SLC9A9: variants seen among roughly 807,000 people sequenced by gnomAD.
SLC9A9 encodes sodium/hydrogen exchanger 9.
SLC9A9 carries 62 observed loss-of-function variants against 77.8 expected under a neutral mutation model. That is an observed-to-expected ratio of 0.80 (90% confidence interval 0.65 to 0.98). The LOEUF is 0.98. Among genes scored for constraint, SLC9A9 ranks in the 50% least tolerant of loss-of-function variants. SLC9A9 has a pLI of 0.00. For synonymous variants in SLC9A9, 320 were observed against 283.5 expected (o/e 1.13, Z -1.29); for missense variants, 775 against 774.9 (o/e 1.00, Z 0.00).
intron 4 of SLC9A9, among the ~76,000 whole-genome samples, chr3:143,709,351 C>T (rs1207112400): frequency 2.6e-5 from 4 of 152,006 alleles, no homozygotes; most frequent in Admixed American, 6.6e-5. Context: ...AATAAGTGCT[C>T]GAAATTAATA....
intron 6 of SLC9A9, among the ~76,000 whole-genome samples, chr3:143,620,946 A>G (rs570322695): frequency 1.8e-4 from 28 of 152,330 alleles, no homozygotes; most frequent in African/African-American, 6.7e-4. Context: ...TGGTCTTAGC[A>G]AACGGCACGC....
intron 13 of SLC9A9, among the ~76,000 whole-genome samples, chr3:143,374,364 G>A (rs1382634656): frequency 7.1e-6 from 1 of 140,926 alleles, no homozygotes; most frequent in East Asian, 2.1e-4. Flanking sequence ...GGCGGAGCTT[G>A]CAGTGAGCCA....
chr3:143,511,308 C>A (rs529330605), intron 9 of SLC9A9, among the ~76,000 whole-genome samples: 14 of 152,344 alleles, frequency 9.2e-5, no homozygotes, highest in African/African-American at 3.1e-4. Context: ...CCCCCACGAC[C>A]TTTAAGACAA....
chr3:143,285,765 A>G (rs573118110), intron 14 of SLC9A9, among the ~76,000 whole-genome samples: 5 of 152,282 alleles, frequency 3.3e-5, no homozygotes, highest in East Asian at 1.9e-4. Flanking sequence ...AAGATTTTCT[A>G]TGGCGGGGAG....
intron 12 of SLC9A9, among the ~76,000 whole-genome samples, chr3:143,388,646 A>G (rs989187943): frequency 2.0e-5 from 3 of 152,232 alleles, no homozygotes; most frequent in African/African-American, 7.2e-5. Flanking sequence ...TATAAGAGAA[A>G]TGTGTGCACC....
chr3:143,747,023 T>C (rs1357889497), intron 4 of SLC9A9, among the ~76,000 whole-genome samples: 6 of 152,046 alleles, frequency 3.9e-5, no homozygotes, highest in African/African-American at 1.5e-4. Flanking sequence ...CATCAGACAA[T>C]GACAATGCTG....
chr3:143,308,147 G>A (rs186281925), intron 14 of SLC9A9, among the ~76,000 whole-genome samples: 3 of 152,302 alleles, frequency 2.0e-5, no homozygotes, highest in African/African-American at 7.2e-5. Context: ...CTCCATTTTG[G>A]TGAGTGGCTG....
intron 5 of SLC9A9, among the ~76,000 whole-genome samples, chr3:143,683,664 G>T (rs933251036): frequency 3.3e-5 from 5 of 152,056 alleles, no homozygotes; most frequent in Admixed American, 1.3e-4. Context: ...TTAGAGATGG[G>T]TACCAAAGTA....
intron 9 of SLC9A9, among the ~76,000 whole-genome samples, chr3:143,552,150 G>C (rs559018762): frequency 1.8e-4 from 28 of 152,264 alleles, no homozygotes; most frequent in Non-Finnish European, 3.5e-4. Context: ...TCAGGAGGGA[G>C]AGACTATTAT....
chr3:143,593,352 A>G (rs1264609347), intron 6 of SLC9A9, among the ~76,000 whole-genome samples: 1 of 152,212 alleles, frequency 6.6e-6, no homozygotes, highest in Non-Finnish European at 1.5e-5. Flanking sequence ...TCACCATCTG[A>G]TGGATAAGCT....
chr3:143,384,556 C>G lies in SLC9A9; in HGVS notation c.1470-2442G>C, dbSNP rs184443932. 1.2e-4 allele frequency among the ~76,000 whole-genome samples: 19 copies of G among 152,308 alleles called. No homozygotes were observed. The East Asian group carries it at 2.5e-3, about 20-fold the overall frequency. Reference sequence around the variant, plus strand: ...TTTAACGTTTGAGGCAGCACTGAGGCCTTTCACTAAAGTGGAATCTTTTCT... The same window carrying G: ...TTTAACGTTTGAGGCAGCACTGAGGGCTTTCACTAAAGTGGAATCTTTTCT... On this transcript the variant is annotated intron_variant, in intron 12 of 15. Transcript: ENST00000316549.
At chr3:143,769,938 T>G (rs1359372319) in intron 4 of SLC9A9, among the ~76,000 whole-genome samples, 5 of 152,200 alleles carry the variant, frequency 3.3e-5, no homozygotes, top group African/African-American at 1.2e-4. Context: ...TCAAGAGACG[T>G]GTATCTGAAT....
At chr3:143,658,257 T>C (rs550880333) in intron 5 of SLC9A9, among the ~76,000 whole-genome samples, 1 of 152,362 alleles carries the variant, frequency 6.6e-6, no homozygotes, top group African/African-American at 2.4e-5. Context: ...ACCAAAAATC[T>C]TGAGAACCAC....
chr3:143,578,515 C>G (rs901234335), intron 7 of SLC9A9, 70 bp downstream of exon 7: 1 of 1,608,798 alleles, frequency 6.2e-7, no homozygotes. Context: ...GGTTGTCCAT[C>G]ATCAGAAATA....
In SLC9A9 at chr3:143,336,896, C is replaced by G. The variant is rs548831598; in HGVS notation, c.1604+26588G>C. On this transcript the variant is annotated intron_variant, in intron 14 of 15. Coordinates refer to ENST00000316549, the MANE Select transcript of SLC9A9 (RefSeq NM_173653.4). ...GGTAATTTTTACGTGCTTTTTACTA[C>G]ATTAATATTTAAAAAAATTTTTTAA... Among the ~76,000 whole-genome samples, 3 of 152,124 alleles carry G rather than the reference C, an allele frequency of 2.0e-5. No individual in the cohort carries two copies. The South Asian group carries it at 6.2e-4, about 32-fold the overall frequency.
At chr3:143,413,780 C>CTGTGTGTG (rs3068538) in intron 12 of SLC9A9, among the ~76,000 whole-genome samples, 11 of 150,310 alleles carry the variant, frequency 7.3e-5, no homozygotes, top group African/African-American at 2.2e-4. Flanking sequence ...GTATTATTAA[C>CTGTGTGTG]TGTGTGTGTG....
intron 5 of SLC9A9, among the ~76,000 whole-genome samples, chr3:143,679,553 A>G (rs1933013644): frequency 6.6e-6 from 1 of 152,218 alleles, no homozygotes; most frequent in African/African-American, 2.4e-5. Context: ...GTCCAATGCC[A>G]GTAGTGCATT....
At chr3:143,349,996 A>G (rs1340586833) in intron 14 of SLC9A9, among the ~76,000 whole-genome samples, 1 of 152,184 alleles carries the variant, frequency 6.6e-6, no homozygotes, top group Non-Finnish European at 1.5e-5. Flanking sequence ...CTCAGTAGGT[A>G]AATGGAGCAG....
At chr3:143,506,873 A>T (rs532832736) in intron 9 of SLC9A9, among the ~76,000 whole-genome samples, 1 of 152,304 alleles carries the variant, frequency 6.6e-6, no homozygotes, top group South Asian at 2.1e-4. Context: ...TAGTTGAAAC[A>T]ATATATTTTC....
Sources: gnomAD v4.1 joint callset for allele counts (sites outside exome capture counted in the v4.1 genomes callset) on GRCh38, gnomAD v4.1.1 for gene constraint, MANE v1.5 for transcripts, NCBI Gene and HGNC (gene_info 2026-07-23, HGNC 2026-07-21) for gene names.